SAMMSON: variants seen among roughly 807,000 people sequenced by gnomAD.
SAMMSON encodes long intergenic non-protein coding RNA 1212.
At chr3:70,297,752 A>G (rs1702303921) in intron 7 of SAMMSON, among the ~76,000 whole-genome samples, 1 of 152,090 alleles carries the variant, frequency 6.6e-6, no homozygotes, top group Non-Finnish European at 1.5e-5. Context: ...AAGTCAGGTA[A>G]TTTGTAAAGT....
intron 3 of SAMMSON, chr3:70,030,828 A>G (rs1324592743): frequency 6.6e-6 from 1 of 152,214 alleles, no homozygotes; most frequent in Non-Finnish European, 1.5e-5. Flanking sequence ...GAAAATGCAA[A>G]TCAACACCAA....
intron 4 of SAMMSON, among the ~76,000 whole-genome samples, chr3:70,122,946 AGT>A (rs2067441133): frequency 6.6e-6 from 1 of 152,136 alleles, no homozygotes; most frequent in Admixed American, 6.5e-5. Flanking sequence ...GGCATTCCAA[AGT>A]GTGTTTTTTG....
At chr3:70,422,344 T>C (rs1470488279) in intron 2 of SAMMSON, among the ~76,000 whole-genome samples, 1 of 152,066 alleles carries the variant, frequency 6.6e-6, no homozygotes, top group Non-Finnish European at 1.5e-5. Flanking sequence ...AGAAGAGTGT[T>C]ATGTTTATTA....
intron 1 of SAMMSON, among the ~76,000 whole-genome samples, chr3:70,003,229 C>T (rs1447767257): frequency 6.6e-6 from 1 of 151,930 alleles, no homozygotes; most frequent in Non-Finnish European, 1.5e-5. Flanking sequence ...AACCATTATA[C>T]TTAATGCCTT....
At chr3:70,252,256 A>G (rs111233846) in intron 6 of SAMMSON, among the ~76,000 whole-genome samples, 76 of 152,202 alleles carry the variant, frequency 5.0e-4, no homozygotes, top group Non-Finnish European at 8.8e-5. Context: ...TATCCAATGT[A>G]TGACTTAGGC....
intron 4 of SAMMSON, among the ~76,000 whole-genome samples, chr3:70,135,208 A>G (rs984478142): frequency 6.6e-6 from 1 of 152,136 alleles, no homozygotes; most frequent in African/African-American, 2.4e-5. Context: ...TCAATATTTC[A>G]TAAGATTATA....
chr3:70,203,602 G>A (rs1286446695), intron 4 of SAMMSON, among the ~76,000 whole-genome samples: 5 of 152,052 alleles, frequency 3.3e-5, no homozygotes, highest in African/African-American at 1.2e-4. Flanking sequence ...TTATAAAATT[G>A]AAACATTTTA....
At chr3:70,131,124 A>G (rs780144890) in intron 4 of SAMMSON, among the ~76,000 whole-genome samples, 4 of 152,226 alleles carry the variant, frequency 2.6e-5, no homozygotes, top group Non-Finnish European at 5.9e-5. Flanking sequence ...TTAAAAATAG[A>G]AGATATATCA....
chr3:70,306,807 G>C (rs923444253), intron 7 of SAMMSON, among the ~76,000 whole-genome samples: 1 of 152,098 alleles, frequency 6.6e-6, no homozygotes, highest in Admixed American at 6.5e-5. Context: ...GTTTTCTGAA[G>C]GACAAAAAAC....
intron 2 of SAMMSON, among the ~76,000 whole-genome samples, chr3:70,421,813 T>G (rs1237967551): frequency 6.6e-6 from 1 of 152,134 alleles, no homozygotes; most frequent in African/African-American, 2.4e-5. Flanking sequence ...AAATGAGAAA[T>G]GTAGGTGATT....
intron 1 of SAMMSON, among the ~76,000 whole-genome samples, chr3:70,003,703 C>T (rs955736409): frequency 3.2e-5 from 4 of 124,966 alleles, no homozygotes; most frequent in African/African-American, 1.4e-4. Flanking sequence ...TTTGACACAT[C>T]ACATATTTAC....
At chr3:70,348,517 T>G (rs1424602159) in intron 7 of SAMMSON, among the ~76,000 whole-genome samples, 9 of 152,050 alleles carry the variant, frequency 5.9e-5, no homozygotes, top group Admixed American at 4.6e-4. Context: ...TCCATCCCCT[T>G]ATAAGAGCCC....
chr3:70,395,321 C>G (rs997108764), intron 2 of SAMMSON, among the ~76,000 whole-genome samples: 2 of 132,876 alleles, frequency 1.5e-5, no homozygotes, highest in Non-Finnish European at 3.2e-5. Flanking sequence ...CTCTCCTTCT[C>G]TCTCTCTCTC....
chr3:70,049,338 A>C (rs1416808726), intron 3 of SAMMSON, among the ~76,000 whole-genome samples: 4 of 152,138 alleles, frequency 2.6e-5, no homozygotes, highest in Non-Finnish European at 5.9e-5. Flanking sequence ...ACCCAGAGGA[A>C]ATATGTCATG....
chr3:70,001,440 G>A (rs1166803164), intron 1 of SAMMSON, among the ~76,000 whole-genome samples: 2 of 150,488 alleles, frequency 1.3e-5, no homozygotes, highest in Non-Finnish European at 2.9e-5. Flanking sequence ...ACAATGTTAA[G>A]GTTGTTTCTA....
rs533187418 is a variant in SAMMSON, at chr3:70,366,140, G to A, written n.913+7816G>A. 2.6e-5 allele frequency among the ~76,000 whole-genome samples: 2 copies of A among 76,764 alleles called. 1 individual carries two copies. The highest frequency in any genetic ancestry group is 8.6e-4 in the South Asian group (2 of 2,330). The allele number at this position is 76,764 out of a possible 152,430, so 50.4% of individuals were successfully genotyped here. On this transcript the variant is annotated intron_variant and non_coding_transcript_variant, in intron 9 of 9. Transcript: ENST00000642114. ...CGAGTAGCTGGGACTACAGGCGCCC[G>A]CCACCGCGCCCGGCTAATTTTTTGT...
rs1701616996 is a variant in SAMMSON, at chr3:70,237,049, T to C, written n.508-12058T>C. 4.1e-5 allele frequency among the ~76,000 whole-genome samples: 6 copies of C among 146,006 alleles called. No individual in the cohort carries two copies. In the Admixed American group the frequency reaches 4.2e-4, roughly 10 times the overall value. ...TTACTGCAGCTTGCCCCATTCTCAC[T>C]GCTCTTTGACAAATTTATTTGGTTC... On this transcript the variant is annotated intron_variant and non_coding_transcript_variant, in intron 4 of 9. Coordinates refer to ENST00000642114, the Ensembl canonical transcript of SAMMSON.
intron 6 of SAMMSON, among the ~76,000 whole-genome samples, chr3:70,271,268 G>A (rs1485529175): frequency 2.0e-5 from 3 of 152,052 alleles, no homozygotes; most frequent in Non-Finnish European, 4.4e-5. Context: ...GGACTAGGCA[G>A]GTAAGTAAAT....
At chr3:70,208,076 T>A (rs1193990075) in intron 4 of SAMMSON, among the ~76,000 whole-genome samples, 1 of 151,940 alleles carries the variant, frequency 6.6e-6, no homozygotes, top group Non-Finnish European at 1.5e-5. Context: ...TAAAATCATG[T>A]TAGAGAGAGG....
Sources: gnomAD v4.1 joint callset for allele counts (sites outside exome capture counted in the v4.1 genomes callset) on GRCh38, gnomAD v4.1.1 for gene constraint, MANE v1.5 for transcripts, NCBI Gene and HGNC (gene_info 2026-07-23, HGNC 2026-07-21) for gene names.